The following CCDC88A variants were observed in gnomAD, a reference collection of about 807,000 sequenced individuals.
CCDC88A encodes coiled-coil and HOOK domain protein 88A.
CCDC88A carries 54 observed loss-of-function variants against 234.3 expected under a neutral mutation model. The ratio of observed to expected loss-of-function variants is 0.23; its 90% CI spans 0.19 to 0.29. CCDC88A has a LOEUF of 0.29. CCDC88A is among the 10% of genes least tolerant of loss of function. The probability of loss-of-function intolerance (pLI) is 1.00; values close to 1 mark genes in which losing one functional copy is unlikely to be tolerated. For missense variants in CCDC88A, 1,832 were observed against 2,123.4 expected, an observed-to-expected ratio of 0.86 and a Z score of 2.70; for synonymous variants, 753 against 737.8, an observed-to-expected ratio of 1.02 and a Z score of -0.33.
At chr2:55,308,471 A>G (rs1266036533) in intron 25 of CCDC88A, 1 of 194,860 alleles carries the variant, frequency 5.1e-6, no homozygotes, top group South Asian at 1.3e-4. Flanking sequence ...TCATATTTCT[A>G]ACTTGCTCCT....
intron 3 of CCDC88A, among the ~76,000 whole-genome samples, chr2:55,378,001 T>A (rs1256229779): frequency 1.3e-5 from 2 of 152,226 alleles, no homozygotes; most frequent in South Asian, 2.1e-4. Context: ...TATTTTTGAC[T>A]AACGAGTCAA....
chr2:55,347,413 G>A (rs1669286629), intron 9 of CCDC88A, among the ~76,000 whole-genome samples: 1 of 152,006 alleles, frequency 6.6e-6, no homozygotes, highest in South Asian at 2.1e-4. Flanking sequence ...AAGTTTTCCA[G>A]AGGCTACATG....
intron 17 of CCDC88A, chr2:55,323,793 C>A (rs1431986673): frequency 6.6e-6 from 1 of 152,262 alleles, no homozygotes; most frequent in Non-Finnish European, 1.5e-5. Flanking sequence ...CACCCTGCAA[C>A]CTCCGCCACC....
intron 2 of CCDC88A, among the ~76,000 whole-genome samples, chr2:55,415,109 T>C (rs1011879596): frequency 1.2e-4 from 18 of 147,824 alleles, no homozygotes; most frequent in Non-Finnish European, 6.0e-5. Flanking sequence ...CCATCTCACA[T>C]CTAAAAGCAG....
Position 55,303,189 on chromosome 2 carries a change from G to A in CCDC88A, c.4388-37C>T, listed in dbSNP as rs1021767510. On this transcript the variant is annotated intron_variant, in intron 25 of 32. Coordinates refer to ENST00000436346, the MANE Select transcript of CCDC88A (RefSeq NM_001365480.1). ...GAGCATGAGGAAAAACAGAAACAGG[G>A]AGATGAAAGAAAAAAGGGAGAAGAA... The A allele has an allele frequency of 9.5e-6, 12 of 1,258,614 alleles. No individual in the cohort carries two copies. The African/African-American group carries it at 1.0e-4, about 11-fold the overall frequency. The allele number at this position is 1,258,614 out of a possible 1,614,324, so 78.0% of individuals were successfully genotyped here. A position where few individuals can be genotyped will look rare whatever the true frequency, so the allele number is the denominator to read the frequency against.
At chr2:55,362,657 T>G (rs1474636449) in intron 6 of CCDC88A, among the ~76,000 whole-genome samples, 1 of 152,002 alleles carries the variant, frequency 6.6e-6, no homozygotes, top group Non-Finnish European at 1.5e-5. Context: ...TGAATTAATA[T>G]TCATTTTCTA....
intron 25 of CCDC88A, 98 bp from the exon 26 acceptor site, chr2:55,303,250 A>G (rs1681107900): frequency 1.3e-6 from 1 of 764,278 alleles, no homozygotes; most frequent in Non-Finnish European, 2.3e-6. Context: ...AAGGACAGAA[A>G]TGAATGTTTG....
chr2:55,331,833 T>C (rs527614782), intron 16 of CCDC88A: 1 of 152,320 alleles, frequency 6.6e-6, no homozygotes, highest in Non-Finnish European at 1.5e-5. Context: ...TTCTTTTCCT[T>C]TGTTTCATAC....
intron 21 of CCDC88A, among the ~76,000 whole-genome samples, chr2:55,316,696 C>T (rs1295439452): frequency 1.3e-5 from 2 of 152,002 alleles, no homozygotes; most frequent in African/African-American, 4.8e-5. Flanking sequence ...GATCATGCTA[C>T]TGAACTTCAG....
At chr2:55,354,858 C>T (rs1332171693) in intron 8 of CCDC88A, among the ~76,000 whole-genome samples, 6 of 151,832 alleles carry the variant, frequency 4.0e-5, no homozygotes, top group Non-Finnish European at 5.9e-5. Flanking sequence ...TGAACCACCG[C>T]GCCTGGCCTA....
chr2:55,389,778 C>T (rs984547899), intron 2 of CCDC88A, among the ~76,000 whole-genome samples: 9 of 152,002 alleles, frequency 5.9e-5, no homozygotes, highest in Admixed American at 2.0e-4. Context: ...CGGTGACTCA[C>T]GCCTATAATC....
At chr2:55,292,465 T>C (rs1428583768) in intron 31 of CCDC88A, 1 of 152,254 alleles carries the variant, frequency 6.6e-6, no homozygotes, top group Non-Finnish European at 1.5e-5. Context: ...ATGTAAGATT[T>C]CACTTACAGA....
intron 25 of CCDC88A, chr2:55,306,158 G>C (rs6719677): frequency 0.032 from 4,924 of 152,112 alleles, 257 homozygotes; most frequent in African/African-American, 0.1. Context: ...CTTGTGATCT[G>C]CCTGCCTCAA....
At chr2:55,409,034 G>A (rs1680046478) in intron 2 of CCDC88A, among the ~76,000 whole-genome samples, 1 of 151,192 alleles carries the variant, frequency 6.6e-6, no homozygotes, top group African/African-American at 2.5e-5. Context: ...CAGTTTCTGA[G>A]CAGCTAAGCA....
intron 13 of CCDC88A, among the ~76,000 whole-genome samples, chr2:55,338,702 G>A (rs1486558073): frequency 1.3e-5 from 2 of 152,180 alleles, no homozygotes; most frequent in Non-Finnish European, 2.9e-5. Context: ...CAGAAAGCAA[G>A]AAAGCTCTTA....
chr2:55,315,866 A>C (rs1558653598), intron 22 of CCDC88A, 62 bp downstream of exon 22: 1 of 889,644 alleles, frequency 1.1e-6, no homozygotes, highest in East Asian at 2.7e-5. Flanking sequence ...CTAGTCATTT[A>C]TTTCTTAGGC....
chr2:55,291,938 T>C, intron 31 of CCDC88A, 163 bp from the exon 32 acceptor site: 1 of 499,270 alleles, frequency 2.0e-6, no homozygotes, highest in East Asian at 3.3e-5. Flanking sequence ...AAGATCGATT[T>C]TTATATTTTA....
intron 12 of CCDC88A, among the ~76,000 whole-genome samples, chr2:55,341,690 G>A (rs1443850681): frequency 2.0e-5 from 3 of 151,882 alleles, no homozygotes; most frequent in Non-Finnish European, 2.9e-5. Context: ...TGATCCACCC[G>A]CCTCGGCCTC....
chr2:55,390,437 T>G lies in CCDC88A; in HGVS notation c.165-1551A>C, dbSNP rs528517163. Among the ~76,000 whole-genome samples the G allele has an allele frequency of 7.9e-5, 12 of 152,256 alleles. No homozygotes were observed. The East Asian group carries it at 1.7e-3, about 22-fold the overall frequency. ...TTTTGTCCCCTGACCACATTCTTAA[T>G]CCCCAACCTTGGATCAATTCAACCA... On this transcript the variant is annotated intron_variant, in intron 2 of 32. Coordinates refer to ENST00000436346, the MANE Select transcript of CCDC88A (RefSeq NM_001365480.1).
Sources: allele counts gnomAD v4.1 joint callset (sites outside exome capture counted in the v4.1 genomes callset), GRCh38; gene constraint gnomAD v4.1.1; transcripts MANE v1.5; gene names NCBI Gene and HGNC (gene_info 2026-07-23, HGNC 2026-07-21).